BRAF: variants seen among roughly 807,000 people sequenced by gnomAD.
BRAF encodes serine/threonine-protein kinase B-raf.
Under a neutral mutation model 104.6 loss-of-function variants are expected in BRAF, and 16 were observed. The ratio of observed to expected loss-of-function variants is 0.15; its 90% CI spans 0.10 to 0.23. The LOEUF (loss-of-function observed/expected upper bound fraction) is 0.23, where lower values mean the gene tolerates loss of function less well. Ranked by LOEUF, BRAF falls within the 10% of genes least tolerant of loss-of-function variation. The pLI, the probability that BRAF is intolerant of heterozygous loss-of-function variation, is 1.00. For missense variants in BRAF, 541 were observed against 937.3 expected (o/e 0.58, Z 5.52); for synonymous variants, 310 against 341.6 (o/e 0.91, Z 1.02).
chr7:140,773,515 T>A (rs1562952868), intron 14 of BRAF: 2 of 152,160 alleles, frequency 1.3e-5, no homozygotes, highest in Non-Finnish European at 2.9e-5. Flanking sequence ...AGTCATCAAA[T>A]CCCCATGTTT....
chr7:140,867,519 G>A (rs1428528190), intron 1 of BRAF, among the ~76,000 whole-genome samples: 2 of 146,492 alleles, frequency 1.4e-5, no homozygotes, highest in Admixed American at 6.7e-5. Flanking sequence ...GTTAAGGGAA[G>A]ATAAACGCTA....
At chr7:140,802,409 G>C (rs918345131) in intron 5 of BRAF, among the ~76,000 whole-genome samples, 7 of 146,856 alleles carry the variant, frequency 4.8e-5, no homozygotes, top group African/African-American at 1.0e-4. Context: ...TGATTCTCCT[G>C]CTTCAGCCTC....
chr7:140,722,154 C>G lies in BRAF; in HGVS notation c.*4340G>C, dbSNP rs1795353602. Reference sequence around the variant, plus strand: ...AAGTTTCTCTAGAAATGTCACTGAACTATATTTGCAACCTAGTTGCTCTAT... The same window carrying G: ...AAGTTTCTCTAGAAATGTCACTGAAGTATATTTGCAACCTAGTTGCTCTAT... On this transcript the variant is annotated 3_prime_UTR_variant, in exon 20 of 20. Transcript: ENST00000644969. The G allele has an allele frequency of 1.4e-5, 15 of 1,064,932 alleles. No individual in the cohort carries two copies. Among genetic ancestry groups the G allele is most frequent in the African/African-American group, 9.8e-5 (6 of 61,068 alleles). 66.0% of individuals were successfully genotyped at this position (1,064,932 alleles called of 1,614,324 possible).
intron 14 of BRAF, among the ~76,000 whole-genome samples, chr7:140,761,715 CA>C (rs1266291238): frequency 5.3e-5 from 8 of 151,590 alleles, no homozygotes; most frequent in African/African-American, 1.9e-4. Flanking sequence ...AAGTGGAAAA[CA>C]AAAAAAGGCA....
intron 1 of BRAF, among the ~76,000 whole-genome samples, chr7:140,882,119 T>C (rs1812989952): frequency 1.3e-5 from 2 of 152,156 alleles, no homozygotes; most frequent in African/African-American, 2.4e-5. Flanking sequence ...TACAATAAAA[T>C]GAAACACAAT....
At chr7:140,905,793 G>C (rs933660973) in intron 1 of BRAF, among the ~76,000 whole-genome samples, 1 of 152,154 alleles carries the variant, frequency 6.6e-6, no homozygotes, top group African/African-American at 2.4e-5. Flanking sequence ...AGATAACTTA[G>C]AAATTAAAAC....
chr7:140,814,969 C>T (rs747412558), intron 3 of BRAF, among the ~76,000 whole-genome samples: 13 of 151,200 alleles, frequency 8.6e-5, no homozygotes, highest in South Asian at 2.1e-4. Flanking sequence ...ACAGTGCAGA[C>T]GATTATATGC....
chr7:140,873,990 G>A (rs550605433), intron 1 of BRAF, among the ~76,000 whole-genome samples: 22 of 152,208 alleles, frequency 1.4e-4, no homozygotes, highest in Non-Finnish European at 2.6e-4. Context: ...AAAACAAGGA[G>A]GGGAAAAAGA....
At chr7:140,909,714 A>T (rs1816750871) in intron 1 of BRAF, among the ~76,000 whole-genome samples, 1 of 152,022 alleles carries the variant, frequency 6.6e-6, no homozygotes, top group Non-Finnish European at 1.5e-5. Flanking sequence ...GAATTCCTGA[A>T]AATCTTAGTG....
intron 5 of BRAF, among the ~76,000 whole-genome samples, chr7:140,803,664 A>G (rs976223864): frequency 2.0e-5 from 3 of 152,200 alleles, no homozygotes; most frequent in African/African-American, 7.2e-5. Flanking sequence ...GAAACTTAGA[A>G]GGCAACATGT....
intron 14 of BRAF, among the ~76,000 whole-genome samples, chr7:140,765,615 C>G (rs1178660957): frequency 1.3e-5 from 2 of 152,012 alleles, no homozygotes; most frequent in Admixed American, 6.6e-5. Context: ...AAAAAACAAA[C>G]AACCCTATCA....
intron 17 of BRAF, among the ~76,000 whole-genome samples, chr7:140,744,223 C>T (rs892358170): frequency 2.0e-5 from 3 of 152,164 alleles, no homozygotes; most frequent in African/African-American, 4.8e-5. Flanking sequence ...TAAGGTCAGC[C>T]CCGCAGGTGG....
chr7:140,905,351 T>C (rs927526475), intron 1 of BRAF, among the ~76,000 whole-genome samples: 4 of 152,264 alleles, frequency 2.6e-5, no homozygotes, highest in Non-Finnish European at 5.9e-5. Flanking sequence ...ACTAAGGCTA[T>C]TAAATCTTCA....
At chr7:140,830,656 A>ATTGACCT (rs1303966438) in intron 3 of BRAF, among the ~76,000 whole-genome samples, 2 of 152,168 alleles carry the variant, frequency 1.3e-5, no homozygotes, top group Non-Finnish European at 2.9e-5. Flanking sequence ...AACCTCTGAG[A>ATTGACCT]AGTGGGGAGG....
chr7:140,810,260 G>A (rs1804104913), intron 3 of BRAF, among the ~76,000 whole-genome samples: 3 of 151,698 alleles, frequency 2.0e-5, no homozygotes, highest in Admixed American at 6.6e-5. Flanking sequence ...GCAGAGGGTA[G>A]TGCAATATAA....
rs1167241109 is a variant in BRAF at position 140,722,653 on chromosome 7, A to G, written c.*3841T>C. The G allele has an allele frequency of 9.5e-7, 1 of 1,053,014 alleles. No individual in the cohort carries two copies. The highest frequency in any genetic ancestry group is 1.1e-6 in the Non-Finnish European group (1 of 871,616). 65.2% of individuals were successfully genotyped at this position (1,053,014 alleles called of 1,614,324 possible). A position where few individuals can be genotyped will look rare whatever the true frequency, so the allele number is the denominator to read the frequency against. ...TGGACAAAGAAGAGAATCTTGCAAA[A>G]AGAGTAATCATTCTACCCTCTTAGC... is the stretch of plus-strand genomic sequence containing the variant. On this transcript the variant is annotated 3_prime_UTR_variant, in exon 20 of 20. Coordinates refer to ENST00000644969, the MANE Select transcript of BRAF (RefSeq NM_001374258.1).
At chr7:140,814,986 T>G (rs1804712234) in intron 3 of BRAF, among the ~76,000 whole-genome samples, 1 of 151,716 alleles carries the variant, frequency 6.6e-6, no homozygotes, top group African/African-American at 2.4e-5. Flanking sequence ...ATGCCTTAAG[T>G]AAGCTTCATG....
chr7:140,885,104 C>T (rs577740370), intron 1 of BRAF, among the ~76,000 whole-genome samples: 5 of 152,152 alleles, frequency 3.3e-5, no homozygotes, highest in African/African-American at 1.2e-4. Flanking sequence ...CAGGTTCAAG[C>T]GATTCTCCCG....
chr7:140,827,853 T>G (rs897984218), intron 3 of BRAF, among the ~76,000 whole-genome samples: 1 of 152,216 alleles, frequency 6.6e-6, no homozygotes, highest in Non-Finnish European at 1.5e-5. Flanking sequence ...AGATTAGCAT[T>G]GTTGTGTTCC....
Sources: gnomAD v4.1 joint callset for allele counts (sites outside exome capture counted in the v4.1 genomes callset) on GRCh38, gnomAD v4.1.1 for gene constraint, MANE v1.5 for transcripts, NCBI Gene and HGNC (gene_info 2026-07-23, HGNC 2026-07-21) for gene names.